PRPSAP2: variants seen among roughly 807,000 people sequenced by gnomAD.
The protein encoded by PRPSAP2 is phosphoribosyl pyrophosphate synthase-associated protein 2.
Under a neutral mutation model 40.6 loss-of-function variants are expected in PRPSAP2, and 24 were observed. The observed-to-expected ratio is 0.59, with a 90% CI of 0.43 to 0.83. PRPSAP2 has a LOEUF of 0.83. PRPSAP2 is among the 40% of genes least tolerant of loss of function. The probability of loss-of-function intolerance (pLI) is 0.00; values close to 1 mark genes in which losing one functional copy is unlikely to be tolerated. For synonymous variants in PRPSAP2, 149 were observed against 164.7 expected (o/e 0.90, Z 0.73); for missense variants, 292 against 465.6 (o/e 0.63, Z 3.43).
At chr17:18,929,358 AAATAATAAT>A (rs60559123) in intron 11 of PRPSAP2, among the ~76,000 whole-genome samples, 63 of 144,774 alleles carry the variant, frequency 4.4e-4, no homozygotes, top group Admixed American at 1.5e-3. Context: ...CTCTTGTCTC[AAATAATAAT>A]AATAATAATA....
In PRPSAP2 at chr17:18,930,517, G is replaced by T. The variant is rs528120388; in HGVS notation, c.952-23G>T. Reference sequence around the variant, plus strand: ...AGCTACTTGGCTTTCTGATGCTGTGGTTTTTTTTCTTTTGCTTCACAGGTG... The same window carrying T: ...AGCTACTTGGCTTTCTGATGCTGTGTTTTTTTTTCTTTTGCTTCACAGGTG... On this transcript the variant is annotated intron_variant, in intron 11 of 11. Coordinates refer to ENST00000268835, the MANE Select transcript of PRPSAP2 (RefSeq NM_002767.4). 1.2e-4 allele frequency: 193 copies of T among 1,600,392 alleles called. 5 individuals are homozygous for T. The South Asian group carries it at 2.0e-3, about 17-fold the overall frequency.
At chr17:18,882,409 G>A (rs1288104768) in intron 6 of PRPSAP2, among the ~76,000 whole-genome samples, 159 bp from the exon 7 acceptor site, 2 of 151,782 alleles carry the variant, frequency 1.3e-5, no homozygotes, top group Non-Finnish European at 2.9e-5. Flanking sequence ...TACTTTCAAG[G>A]CTGAGGTGAG....
chr17:18,922,130 C>T (rs999927483), intron 9 of PRPSAP2, among the ~76,000 whole-genome samples: 2 of 152,194 alleles, frequency 1.3e-5, no homozygotes, highest in Admixed American at 1.3e-4. Flanking sequence ...TTTTGAGGTT[C>T]ATCCATGTGA....
At chr17:18,862,647 G>A (rs1238680270) in intron 1 of PRPSAP2, among the ~76,000 whole-genome samples, 1 of 152,122 alleles carries the variant, frequency 6.6e-6, no homozygotes, top group African/African-American at 2.4e-5. Flanking sequence ...GAGATTTTGA[G>A]TATTAGATAA....
Position 18,923,946 on chromosome 17 carries a change from G to A in PRPSAP2, c.766G>A (p.Val256Ile), listed in dbSNP as rs267604769. The A allele has an allele frequency of 1.9e-6, 3 of 1,613,680 alleles. No individual in the cohort carries two copies. Among genetic ancestry groups the A allele is most frequent in the Non-Finnish European group, 1.7e-6 (2 of 1,179,730 alleles). ...TCCTAAAGAAAAGCCCCCAATCACGGTTGTGGGTGATGTTGGAGGAAGGAT... is the reference window on the plus strand; with the variant it reads ...TCCTAAAGAAAAGCCCCCAATCACGATTGTGGGTGATGTTGGAGGAAGGAT... ...LIPKEKPPIT[V>I]VGDVGGRIAI... is the part of the protein sequence containing the mutation. Residue 256 changes from valine to isoleucine, a missense_variant, in exon 10 of 12, where the codon GTT becomes ATT. Physicochemically the swap from Val to Ile is conservative, Grantham distance 29. Transcript: ENST00000268835.
intron 7 of PRPSAP2, among the ~76,000 whole-genome samples, chr17:18,886,394 C>T (rs866907072): frequency 2.4e-4 from 36 of 150,744 alleles, no homozygotes; most frequent in South Asian, 6.3e-4. Context: ...CTCACTCTGT[C>T]GCCCAGGCTG....
At chr17:18,917,704 T>C (rs997313846) in intron 9 of PRPSAP2, among the ~76,000 whole-genome samples, 4 of 148,176 alleles carry the variant, frequency 2.7e-5, no homozygotes, top group African/African-American at 9.9e-5. Context: ...CCCAATGTGC[T>C]GGGATTACAG....
At position 18,911,545 on chromosome 17, in the gene PRPSAP2, G is replaced by GT. The variant is rs1215192096; in HGVS notation, c.733+297dup. On this transcript the variant is annotated intron_variant, in intron 9 of 11. Coordinates refer to ENST00000268835, the MANE Select transcript of PRPSAP2 (RefSeq NM_002767.4). This position sits in a 1 kb window ranked among gnomAD's most constrained non-coding sequence, Gnocchi z 4.5. ...ATTCAGCAGTATATACTAGAGTGTA[G>GT]TTTAACATAAGCAAAAAGCTTTTTA... Among the ~76,000 whole-genome samples, 3 of 152,110 alleles carry GT rather than the reference G, an allele frequency of 2.0e-5. No homozygotes were observed. The highest frequency in any genetic ancestry group is 7.2e-5 in the African/African-American group (3 of 41,420).
Position 18,865,853 on chromosome 17 carries a change from C to A in PRPSAP2, c.20C>A (p.Pro7His). The change falls in exon 3 of 12, where the codon CCT becomes CAT. Residue 7 changes from proline (P) to histidine (H), a missense_variant. Physicochemically the swap from Pro to His is moderately conservative, Grantham distance 77 (BLOSUM62 -2). Coordinates refer to ENST00000268835, the MANE Select transcript of PRPSAP2 (RefSeq NM_002767.4). ...GTTTTGATGTTTTGTGTGACGCCACCTGAATTAGAAACCAAGATGAACATA... is the reference window on the plus strand; with the variant it reads ...GTTTTGATGTTTTGTGTGACGCCACATGAATTAGAAACCAAGATGAACATA... MFCVTP[P>H]ELETKMNITK... 6.6e-7 allele frequency: 1 copy of A among 1,514,614 alleles called. No individual in the cohort carries two copies. The highest frequency in any genetic ancestry group is 8.9e-7 in the Non-Finnish European group (1 of 1,120,406). The allele number at this position is 1,514,614 out of a possible 1,614,324, so 93.8% of individuals were successfully genotyped here. A position where few individuals can be genotyped will look rare whatever the true frequency, so the allele number is the denominator to read the frequency against.
chr17:18,881,390 A>G (rs1350671318), intron 6 of PRPSAP2, among the ~76,000 whole-genome samples: 1 of 151,414 alleles, frequency 6.6e-6, no homozygotes, highest in African/African-American at 2.4e-5. Flanking sequence ...GGCACGTGCC[A>G]CCATGCCTGG....
intron 10 of PRPSAP2, chr17:18,928,501 C>A: frequency 2.7e-6 from 1 of 369,820 alleles, no homozygotes; most frequent in Non-Finnish European, 5.2e-6. Context: ...TCTGGTGTGA[C>A]CTGCATTGTG....
At chr17:18,881,842 A>ATTT (rs368088976) in intron 6 of PRPSAP2, among the ~76,000 whole-genome samples, 1 of 131,698 alleles carries the variant, frequency 7.6e-6, no homozygotes. Context: ...CATGAGAGCA[A>ATTT]TTTTTTTTTT....
chr17:18,900,304 G>A (rs1023092236), intron 8 of PRPSAP2, among the ~76,000 whole-genome samples: 2 of 152,252 alleles, frequency 1.3e-5, no homozygotes, highest in African/African-American at 4.8e-5. Flanking sequence ...TTACAGTCAT[G>A]AGACACTACG....
rs1404625070 is a variant in PRPSAP2, at chr17:18,872,580, C to T, written c.173-3C>T. The T allele has an allele frequency of 6.3e-7, 1 of 1,576,858 alleles. No homozygotes were observed. ...CCTCTCTTCTTTTTCCTTTTCCTGC[C>T]AGAAACAAGAGTACAAATTCAAGAG... On this transcript the variant is annotated splice_region_variant and splice_polypyrimidine_tract_variant and intron_variant, in intron 4 of 11. Transcript: ENST00000268835.
chr17:18,865,557 C>T lies in PRPSAP2; in HGVS notation c.-40C>T, dbSNP rs2305061. The T allele has an allele frequency of 0.074, 12,710 of 171,322 alleles. 495 individuals carry two copies. Among genetic ancestry groups the T allele is most frequent in the South Asian group, 0.088 (439 of 5,014 alleles). The allele number at this position is 171,322 out of a possible 1,614,324, so 10.6% of individuals were successfully genotyped here. The stretch of plus-strand genomic sequence containing the variant: ...TAAAACATTGAGCTCTTCAGCTCCG[C>T]CTTTCTTGTAAGTTTATCATTTCTT... On this transcript the variant is annotated 5_prime_UTR_variant, in exon 2 of 12. Transcript: ENST00000268835.
At chr17:18,923,825 A>G in intron 9 of PRPSAP2, 89 bp from the exon 10 acceptor site, 1 of 1,188,058 alleles carries the variant, frequency 8.4e-7, no homozygotes, top group Non-Finnish European at 1.2e-6. Context: ...AGTTGGTTGA[A>G]TGTTTTTATC....
intron 7 of PRPSAP2, among the ~76,000 whole-genome samples, chr17:18,887,187 A>G (rs1439513756): frequency 6.6e-6 from 1 of 151,902 alleles, no homozygotes; most frequent in Non-Finnish European, 1.5e-5. Flanking sequence ...CACCCGCCTC[A>G]ACCTCCCAGA....
rs1313754443 is a variant in PRPSAP2 at position 18,924,072 on chromosome 17, CACTGTCGCCCAG to C, written c.804+89_804+100del. ...ATTGATTGATTTTATTACAGAGACT[CACTGTCGCCCAG>C]GCTGGAGTGCAGTGGCACAATCTCG... On this transcript the variant is annotated intron_variant, in intron 10 of 11. Transcript: ENST00000268835. The C allele has an allele frequency of 3.7e-5, 50 of 1,333,544 alleles. No homozygotes were observed. In the East Asian group the frequency reaches 1.1e-3, roughly 31 times the overall value. The allele number at this position is 1,333,544 out of a possible 1,614,324, so 82.6% of individuals were successfully genotyped here.
chr17:18,924,269 A>C (rs1365741835), intron 10 of PRPSAP2, among the ~76,000 whole-genome samples: 3 of 152,126 alleles, frequency 2.0e-5, no homozygotes, highest in Non-Finnish European at 2.9e-5. Flanking sequence ...CAAGCTCCTG[A>C]ACTTAAGTGA....
Sources: gnomAD v4.1 joint callset for allele counts (sites outside exome capture counted in the v4.1 genomes callset) on GRCh38, gnomAD v4.1.1 for gene constraint, Gnocchi (gnomAD v3.1) non-coding constraint, MANE v1.5 for transcripts, NCBI Gene and HGNC (gene_info 2026-07-23, HGNC 2026-07-21) for gene names.